The following CDH18 variants were observed in gnomAD, a reference collection of about 807,000 sequenced individuals.
CDH18 encodes cadherin 18.
Under a neutral mutation model 67.9 loss-of-function variants are expected in CDH18, and 31 were observed. The ratio of observed to expected loss-of-function variants is 0.46; its 90% CI spans 0.34 to 0.62. The LOEUF is 0.62. Ranked by LOEUF, CDH18 falls within the 20% of genes least tolerant of loss-of-function variation. The pLI, the probability that CDH18 is intolerant of heterozygous loss-of-function variation, is 0.01. For missense variants in CDH18, 890 were observed against 975.5 expected, an observed-to-expected ratio of 0.91 and a Z score of 1.17; for synonymous variants, 362 against 347.2, an observed-to-expected ratio of 1.04 and a Z score of -0.48.
At chr5:19,931,417 T>C (rs1301191564) in intron 2 of CDH18, among the ~76,000 whole-genome samples, 1 of 151,944 alleles carries the variant, frequency 6.6e-6, no homozygotes, top group Non-Finnish European at 1.5e-5. Flanking sequence ...GAACATGCAT[T>C]AAAACATTTG....
chr5:20,487,699 C>A (rs1753289197), intron 1 of CDH18, among the ~76,000 whole-genome samples: 1 of 151,080 alleles, frequency 6.6e-6, no homozygotes, highest in African/African-American at 2.4e-5. Context: ...AAAACATTTT[C>A]ATTATTAACT....
chr5:19,566,551 A>G (rs1740431952), intron 8 of CDH18, among the ~76,000 whole-genome samples: 1 of 152,220 alleles, frequency 6.6e-6, no homozygotes, highest in Non-Finnish European at 1.5e-5. Flanking sequence ...AGAAAGAATG[A>G]GAGCCAAGTG....
chr5:20,112,750 T>C (rs912221147), intron 2 of CDH18, among the ~76,000 whole-genome samples: 1 of 152,148 alleles, frequency 6.6e-6, no homozygotes, highest in African/African-American at 2.4e-5. Context: ...AAAGTCATTC[T>C]CCATAATGCT....
chr5:20,471,982 A>AGAT (rs1196992780), intron 1 of CDH18, among the ~76,000 whole-genome samples: 1 of 36 alleles, frequency 0.028, no homozygotes, highest in Non-Finnish European at 0.062. Flanking sequence ...TCCAAAATAA[A>AGAT]TTCACTGAAC....
chr5:19,471,646 A>G lies in CDH18; in HGVS notation c.*1580T>C, dbSNP rs927882015. Among the ~76,000 whole-genome samples, 1 of 152,104 alleles carries G rather than the reference A, an allele frequency of 6.6e-6. No individual in the cohort carries two copies. The highest frequency in any genetic ancestry group is 1.5e-5 in the Non-Finnish European group (1 of 68,012). The stretch of plus-strand genomic sequence containing the variant: ...GGTATGAATTCTTACTTCAAGGCCA[A>G]TAGCAACAACAACAAAACATTATCT... On this transcript the variant is annotated 3_prime_UTR_variant, in exon 13 of 13. Transcript: ENST00000382275.
At chr5:20,154,339 T>C (rs1751360445) in intron 2 of CDH18, among the ~76,000 whole-genome samples, 2 of 152,200 alleles carry the variant, frequency 1.3e-5, no homozygotes, top group Non-Finnish European at 2.9e-5. Flanking sequence ...GCCAACACTT[T>C]AGTAACACCA....
chr5:20,360,748 G>T (rs1219198838), intron 1 of CDH18, among the ~76,000 whole-genome samples: 1 of 152,018 alleles, frequency 6.6e-6, no homozygotes, highest in East Asian at 1.9e-4. Context: ...TTGCTGTTGA[G>T]GTTACAGCAT....
intron 2 of CDH18, among the ~76,000 whole-genome samples, chr5:20,164,928 C>G (rs1042795903): frequency 6.6e-6 from 1 of 152,098 alleles, no homozygotes; most frequent in Non-Finnish European, 1.5e-5. Flanking sequence ...TTTGCAGGTG[C>G]CTTTTTACTT....
At position 20,326,273 on chromosome 5, in the gene CDH18, C is replaced by T. The variant is rs563287783; in HGVS notation, c.-579-70768G>A. Among the ~76,000 whole-genome samples the T allele has an allele frequency of 1.8e-4, 27 of 152,114 alleles. No individual in the cohort carries two copies. The South Asian group carries it at 5.6e-3, about 32-fold the overall frequency. On this transcript the variant is annotated intron_variant, in intron 1 of 14. Transcript: ENST00000507958. ...CTAATGTGCAAACAAATCTGAGAAT[C>T]CCTGGTATAGGTGATTATCTACACT... is the stretch of plus-strand genomic sequence containing the variant.
intron 2 of CDH18, among the ~76,000 whole-genome samples, chr5:20,198,509 G>A (rs1739170358): frequency 2.0e-5 from 3 of 152,150 alleles, no homozygotes; most frequent in Non-Finnish European, 4.4e-5. Context: ...TCCGGCAGAA[G>A]AAATTTCTAA....
chr5:19,840,228 T>A (rs1334170352), intron 2 of CDH18, among the ~76,000 whole-genome samples: 2 of 137,758 alleles, frequency 1.5e-5, no homozygotes, highest in Non-Finnish European at 3.0e-5. Context: ...AGATCTGAGA[T>A]CGCACCACTG....
intron 3 of CDH18, among the ~76,000 whole-genome samples, chr5:19,790,191 C>T (rs2149810772): frequency 6.6e-6 from 1 of 152,196 alleles, no homozygotes; most frequent in East Asian, 1.9e-4. Context: ...TCTCTCTAAA[C>T]CTTTCTAGTT....
At chr5:20,402,604 T>C (rs1235098156) in intron 1 of CDH18, among the ~76,000 whole-genome samples, 1 of 152,080 alleles carries the variant, frequency 6.6e-6, no homozygotes, top group African/African-American at 2.4e-5. Flanking sequence ...CTCTTCAGTG[T>C]ACAATAATAT....
intron 10 of CDH18, among the ~76,000 whole-genome samples, chr5:19,513,409 C>G (rs1392908595): frequency 6.6e-6 from 1 of 152,122 alleles, no homozygotes; most frequent in African/African-American, 2.4e-5. Flanking sequence ...TCTATAGTTA[C>G]AAGAGGCGGT....
chr5:19,576,180 G>C lies in CDH18; in HGVS notation c.1000-4348C>G, dbSNP rs147559251. Among the ~76,000 whole-genome samples, 393 of 152,116 alleles carry C rather than the reference G, an allele frequency of 2.6e-3. 2 individuals are homozygous for C. Among genetic ancestry groups the C allele is most frequent in the African/African-American group, 8.5e-3 (351 of 41,478 alleles). On this transcript the variant is annotated intron_variant, in intron 7 of 12. Transcript: ENST00000382275. Reference sequence around the variant, plus strand: ...ATTGAGGGGAAACCTTCATGACATTGTTCTAGGCTGAGATTACTTGTCTAT... The same window carrying C: ...ATTGAGGGGAAACCTTCATGACATTCTTCTAGGCTGAGATTACTTGTCTAT...
intron 3 of CDH18, among the ~76,000 whole-genome samples, chr5:19,779,563 T>C (rs1051951375): frequency 6.6e-6 from 1 of 152,154 alleles, no homozygotes; most frequent in African/African-American, 2.4e-5. Flanking sequence ...GATTTTGCTC[T>C]GTTCCAGCCA....
chr5:19,585,764 C>A (rs575917727), intron 7 of CDH18, among the ~76,000 whole-genome samples: 7 of 152,140 alleles, frequency 4.6e-5, no homozygotes, highest in African/African-American at 1.7e-4. Flanking sequence ...AGGTACTAAC[C>A]TTCTCCAAGA....
intron 5 of CDH18, among the ~76,000 whole-genome samples, chr5:19,615,013 G>A (rs1749590893): frequency 6.6e-6 from 1 of 152,062 alleles, no homozygotes. Flanking sequence ...TGGGCGTGGT[G>A]GCACGAGCCT....
intron 3 of CDH18, among the ~76,000 whole-genome samples, chr5:19,748,876 G>A (rs1331474842): frequency 1.3e-5 from 2 of 151,936 alleles, no homozygotes; most frequent in Admixed American, 1.3e-4. Context: ...AAAATTACCA[G>A]GACAAAATTT....
Sources: gnomAD v4.1 joint callset for allele counts (sites outside exome capture counted in the v4.1 genomes callset) on GRCh38, gnomAD v4.1.1 for gene constraint, MANE v1.5 for transcripts, NCBI Gene and HGNC (gene_info 2026-07-23, HGNC 2026-07-21) for gene names.